The following PHKA1 variants were observed in gnomAD, a reference collection of about 807,000 sequenced individuals.
The protein encoded by PHKA1 is phosphorylase kinase regulatory subunit alpha 1, also known as phosphorylase b kinase regulatory subunit alpha, skeletal muscle isoform.
A neutral mutation model predicts 110.2 loss-of-function variants in PHKA1; 60 were observed. The observed-to-expected ratio is 0.54, with a 90% confidence interval of 0.44 to 0.68. The LOEUF (loss-of-function observed/expected upper bound fraction) is 0.68, where lower values mean the gene tolerates loss of function less well. PHKA1 is among the 30% of genes least tolerant of loss of function. PHKA1 has a pLI of 0.00. For synonymous variants in PHKA1, 316 were observed against 333.6 expected, an observed-to-expected ratio of 0.95 and a Z score of 0.58; for missense variants, 801 against 942.5, an observed-to-expected ratio of 0.85 and a Z score of 1.97.
intron 8 of PHKA1, 146 bp downstream of exon 8, chrX:72,666,005 C>A: frequency 1.7e-6 from 1 of 581,740 alleles, no homozygotes. Flanking sequence ...GAAGCTTTAA[C>A]ACTTTTAAAA....
intron 18 of PHKA1, 51 bp from the exon 19 acceptor site, chrX:72,620,952 G>T: frequency 8.7e-7 from 1 of 1,149,818 alleles, no homozygotes; most frequent in South Asian, 1.9e-5. Flanking sequence ...AAATATTTTA[G>T]TTACTTTACA....
chrX:72,635,288 C>G lies in PHKA1; in HGVS notation c.1581G>C (p.Gln527His). The change falls in exon 16 of 32, where the codon CAG becomes CAC. Residue 527 changes from glutamine to histidine, a missense_variant. Coordinates refer to ENST00000373542, the MANE Select transcript of PHKA1 (RefSeq NM_002637.4). ...IFTFTPQFIDQQQFYLALDNK... is the reference protein window; with the variant it reads ...IFTFTPQFIDHQQFYLALDNK... ...TGTCCAGAGCCAGGTAGAACTGTTG[C>G]TGGTCTATAAACTGAGACAAATAAA... The G allele has an allele frequency of 8.3e-7, 1 of 1,206,808 alleles. No individual in the cohort carries two copies. The highest frequency in any genetic ancestry group is 3.0e-5 in the East Asian group (1 of 33,817).
chrX:72,650,556 C>T, intron 12 of PHKA1, 88 bp from the exon 13 acceptor site: 1 of 715,502 alleles, frequency 1.4e-6, no homozygotes, highest in Non-Finnish European at 2.2e-6. Context: ...TGCCCATAAC[C>T]TTGCACCATA....
chrX:72,613,777 G>A (rs1171263226), intron 21 of PHKA1, among the ~76,000 whole-genome samples: 3 of 111,914 alleles, frequency 2.7e-5, no homozygotes, highest in African/African-American at 9.7e-5. Context: ...TACAGTATCA[G>A]CAATGGGACT....
At chrX:72,622,013 T>C in intron 18 of PHKA1, 1 of 749,726 alleles carries the variant, frequency 1.3e-6, no homozygotes, top group Non-Finnish European at 1.6e-6. Context: ...GAGCAAACAA[T>C]CTCAATATAT....
Position 72,635,177 on chromosome X carries a change from G to A in PHKA1, c.1692C>T (p.Phe564=), listed in dbSNP as rs931373879. 3 of 1,212,010 alleles carry A rather than the reference G, an allele frequency of 2.5e-6. No individual in the cohort carries two copies. Among genetic ancestry groups the A allele is most frequent in the Admixed American group, 4.3e-5 (2 of 46,091 alleles). Residue 564 remains phenylalanine (F), a synonymous_variant, in exon 16 of 32, where the codon TTC becomes TTT. Coordinates refer to ENST00000373542, the MANE Select transcript of PHKA1 (RefSeq NM_002637.4). ...WRMTGQPTIT[F]PISHSMLDED... is the part of the protein sequence containing the mutation. ...TACCAAGCATGCTGTGTGAGATGGG[G>A]AAGGTGATGGTGGGCTGGCCTGTCA...
At chrX:72,664,824 G>A (rs1269269699) in intron 8 of PHKA1, among the ~76,000 whole-genome samples, 1 of 111,517 alleles carries the variant, frequency 9.0e-6, no homozygotes, top group African/African-American at 3.3e-5. Context: ...TGACCAACGA[G>A]TCAATGAAGA....
chrX:72,599,740 G>A, intron 28 of PHKA1: 1 of 450,682 alleles, frequency 2.2e-6, no homozygotes, highest in Non-Finnish European at 4.0e-6. Context: ...TAATCAACCA[G>A]TATATGTCAT....
intron 16 of PHKA1, among the ~76,000 whole-genome samples, chrX:72,630,409 A>G (rs2053149771): frequency 9.0e-6 from 1 of 111,214 alleles, no homozygotes; most frequent in Admixed American, 9.5e-5. Flanking sequence ...TGATGTTTCA[A>G]GATTCCATCT....
intron 6 of PHKA1, among the ~76,000 whole-genome samples, chrX:72,673,502 A>G (rs1269583597): frequency 8.9e-6 from 1 of 111,750 alleles, no homozygotes; most frequent in Non-Finnish European, 1.9e-5. Flanking sequence ...ATACAAAAAT[A>G]TTGATAATAT....
chrX:72,615,923 A>C (rs1022770013), intron 21 of PHKA1, among the ~76,000 whole-genome samples: 3 of 112,419 alleles, frequency 2.7e-5, no homozygotes, highest in Non-Finnish European at 5.6e-5. Context: ...TTAATGAATA[A>C]AAAAAGCCAA....
At chrX:72,605,877 C>T (rs2052720823) in intron 23 of PHKA1, among the ~76,000 whole-genome samples, 1 of 112,437 alleles carries the variant, frequency 8.9e-6, no homozygotes, top group Non-Finnish European at 1.9e-5. Flanking sequence ...TTATTTAAAA[C>T]TCACACCATG....
chrX:72,654,946 C>T (rs1276178996), intron 10 of PHKA1, among the ~76,000 whole-genome samples: 1 of 108,200 alleles, frequency 9.2e-6, no homozygotes, highest in Non-Finnish European at 1.9e-5. Context: ...TACAGGCGCC[C>T]GCCACTACGC....
rs1056064851 is a variant in PHKA1, at chrX:72,650,278, C to T, written c.1324+112G>A. ...AAAGTTCATTGTATACATTTTGAAGCCTAATAAAGTGCAACATATAGAATA... is the reference window on the plus strand; with the variant it reads ...AAAGTTCATTGTATACATTTTGAAGTCTAATAAAGTGCAACATATAGAATA... On this transcript the variant is annotated intron_variant, in intron 13 of 31. Coordinates refer to ENST00000373542, the MANE Select transcript of PHKA1 (RefSeq NM_002637.4). 16 of 584,399 alleles carry T rather than the reference C, an allele frequency of 2.7e-5. No individual in the cohort carries two copies. The African/African-American group carries it at 3.2e-4, about 12-fold the overall frequency. 48.2% of individuals were successfully genotyped at this position (584,399 alleles called of 1,213,427 possible).
chrX:72,643,595 C>T (rs2053324152), intron 14 of PHKA1, among the ~76,000 whole-genome samples: 1 of 111,774 alleles, frequency 8.9e-6, no homozygotes, highest in African/African-American at 3.2e-5. Context: ...TTCCTTGGCT[C>T]ATAGCCTTAT....
chrX:72,604,541 TAA>T (rs1179955532), intron 25 of PHKA1, among the ~76,000 whole-genome samples: 1 of 111,978 alleles, frequency 8.9e-6, no homozygotes, highest in Non-Finnish European at 1.9e-5. Context: ...ACAGCTTGAT[TAA>T]AAGTCTTTTG....
Position 72,640,733 on chromosome X carries a change from C to T in PHKA1, c.1459+3629G>A, listed in dbSNP as rs182075809. On this transcript the variant is annotated intron_variant, in intron 14 of 31. Coordinates refer to ENST00000373542, the MANE Select transcript of PHKA1 (RefSeq NM_002637.4). ...CAATTTGTAATCAGATAACTTACAA[C>T]TTATGAAATTTGGAGAGAACCAGAA... 6.0e-3 allele frequency among the ~76,000 whole-genome samples: 667 copies of T among 111,578 alleles called. 7 individuals are homozygous for T. The highest frequency in any genetic ancestry group is 0.02 in the African/African-American group (631 of 30,795).
At chrX:72,684,097 C>G (rs1281294525) in intron 5 of PHKA1, among the ~76,000 whole-genome samples, 1 of 112,254 alleles carries the variant, frequency 8.9e-6, no homozygotes, top group African/African-American at 3.2e-5. Context: ...ATTGTAAGCA[C>G]TGAATCAACA....
rs1301136420 is a variant in PHKA1, at chrX:72,713,676, A to C, written c.78+127T>G. 9.5e-6 allele frequency: 5 copies of C among 528,609 alleles called. No homozygotes were observed. In the South Asian group the frequency reaches 1.3e-4, roughly 14 times the overall value. 43.6% of individuals were successfully genotyped at this position (528,609 alleles called of 1,213,427 possible). Reference sequence around the variant, plus strand: ...AGTTCATGCAAGGTCTCCGTCACACACACACACACACACACACACACACAC... The same window carrying C: ...AGTTCATGCAAGGTCTCCGTCACACCCACACACACACACACACACACACAC... On this transcript the variant is annotated intron_variant, in intron 1 of 31. Coordinates refer to ENST00000373542, the MANE Select transcript of PHKA1 (RefSeq NM_002637.4).
Sources: gnomAD v4.1 joint callset for allele counts (sites outside exome capture counted in the v4.1 genomes callset) on GRCh38, gnomAD v4.1.1 for gene constraint, MANE v1.5 for transcripts, NCBI Gene and HGNC (gene_info 2026-07-23, HGNC 2026-07-21) for gene names.